Variants in ANP32A observed in about 807,000 individuals in gnomAD.
ANP32A encodes the protein acidic leucine-rich nuclear phosphoprotein 32 family member A.
Under a neutral mutation model 33.9 loss-of-function variants are expected in ANP32A, and 1 was observed. The observed-to-expected ratio is 0.03, with a 90% CI of 0.01 to 0.14. The LOEUF is 0.14. Ranked by LOEUF, ANP32A falls within the 10% of genes least tolerant of loss-of-function variation. The pLI, the probability that ANP32A is intolerant of heterozygous loss-of-function variation, is 1.00. For synonymous variants in ANP32A, 115 were observed against 120.5 expected (o/e 0.95, Z 0.30); for missense variants, 155 against 306.0 (o/e 0.51, Z 3.68).
intron 1 of ANP32A, 68 bp downstream of exon 1, chr15:68,820,630 G>A: frequency 1.7e-6 from 2 of 1,155,814 alleles, no homozygotes; most frequent in South Asian, 1.4e-5. Context: ...TCCCCCCAGC[G>A]CGCACACACA....
At chr15:68,817,327 G>C (rs1379714288) in intron 1 of ANP32A, 1 of 152,272 alleles carries the variant, frequency 6.6e-6, no homozygotes, top group Non-Finnish European at 1.5e-5. Context: ...CGAGGAGGAG[G>C]GTTCCCCTAG....
chr15:68,820,807 C>G lies in ANP32A; in HGVS notation c.-56G>C. 1 of 1,608,710 alleles carries G rather than the reference C, an allele frequency of 6.2e-7. No individual in the cohort carries two copies. Among genetic ancestry groups the G allele is most frequent in the Non-Finnish European group, 8.5e-7 (1 of 1,175,528 alleles). On this transcript the variant is annotated 5_prime_UTR_variant, in exon 1 of 7. Coordinates refer to ENST00000465139, the MANE Select transcript of ANP32A (RefSeq NM_006305.4). ...GCGCCGGCGGAATTCAATCAATAAA[C>G]CCCGAACCCACGGCCGCGCGTTTTA...
At position 68,820,808 on chromosome 15, in the gene ANP32A, CCCGAA is replaced by C; in HGVS notation, c.-62_-58del. Reference sequence around the variant, plus strand: ...CGCCGGCGGAATTCAATCAATAAACCCCGAACCCACGGCCGCGCGTTTTAGGACTT... The same window carrying C: ...CGCCGGCGGAATTCAATCAATAAACCCCCACGGCCGCGCGTTTTAGGACTT... On this transcript the variant is annotated 5_prime_UTR_variant, in exon 1 of 7. Coordinates refer to ENST00000465139, the MANE Select transcript of ANP32A (RefSeq NM_006305.4). 1 of 1,607,096 alleles carries C rather than the reference CCCGAA, an allele frequency of 6.2e-7. No homozygotes were observed. The highest frequency in any genetic ancestry group is 8.5e-7 in the Non-Finnish European group (1 of 1,174,148).
chr15:68,792,778 G>T (rs1220274540), intron 1 of ANP32A, among the ~76,000 whole-genome samples: 3 of 152,132 alleles, frequency 2.0e-5, no homozygotes, highest in Non-Finnish European at 4.4e-5. Flanking sequence ...TAGAGGGCTC[G>T]ACCCAACTGG....
At chr15:68,820,617 G>T in intron 1 of ANP32A, 81 bp downstream of exon 1, 1 of 573,306 alleles carries the variant, frequency 1.7e-6, no homozygotes, top group South Asian at 2.5e-5. Context: ...CAAAAAAAGT[G>T]CCTCCCCCCA....
chr15:68,811,528 G>C (rs1000634166), intron 1 of ANP32A, among the ~76,000 whole-genome samples: 4 of 152,106 alleles, frequency 2.6e-5, no homozygotes, highest in Admixed American at 2.0e-4. Context: ...GCCTGAAATA[G>C]CTGCTGAGGG....
In ANP32A at chr15:68,780,582, C is replaced by G. The variant is rs1893855463; in HGVS notation, c.625-109G>C. The G allele has an allele frequency of 2.0e-6, 3 of 1,512,808 alleles. No individual in the cohort carries two copies. Among genetic ancestry groups the G allele is most frequent in the South Asian group, 2.6e-5 (2 of 76,708 alleles). 93.7% of individuals were successfully genotyped at this position (1,512,808 alleles called of 1,614,324 possible). On this transcript the variant is annotated intron_variant, in intron 5 of 6. Transcript: ENST00000465139. This position sits in a 1 kb window ranked among gnomAD's most constrained non-coding sequence, Gnocchi z 4.3. ...CGGGGTCACCCCCAGCCTCTCAGAGCCCCCACCAAGACTTGACATCTCGGG... is the reference window on the plus strand; with the variant it reads ...CGGGGTCACCCCCAGCCTCTCAGAGGCCCCACCAAGACTTGACATCTCGGG...
chr15:68,794,011 G>A (rs141478532), intron 1 of ANP32A, among the ~76,000 whole-genome samples: 67 of 152,308 alleles, frequency 4.4e-4, no homozygotes, highest in African/African-American at 1.2e-3. Flanking sequence ...TCTCGAGTCC[G>A]AGAGAACTGG....
chr15:68,818,843 A>C (rs1596078475), intron 1 of ANP32A, among the ~76,000 whole-genome samples: 2 of 144,506 alleles, frequency 1.4e-5, no homozygotes, highest in East Asian at 2.2e-4. Flanking sequence ...CCATCACCAC[A>C]CCCAGCCCCC....
At chr15:68,796,196 C>T (rs967369185) in intron 1 of ANP32A, among the ~76,000 whole-genome samples, 1 of 152,210 alleles carries the variant, frequency 6.6e-6, no homozygotes, top group Non-Finnish European at 1.5e-5. Flanking sequence ...ATTCTCTTGC[C>T]TCAGCTTCTC....
At chr15:68,808,010 A>G (rs1035595620) in intron 1 of ANP32A, among the ~76,000 whole-genome samples, 4 of 152,204 alleles carry the variant, frequency 2.6e-5, no homozygotes, top group African/African-American at 9.7e-5. Context: ...TTGTGTGAAC[A>G]ATCCCATGGT....
At chr15:68,787,567 C>T (rs1197234894) in intron 2 of ANP32A, 32 bp from the exon 3 acceptor site, 1 of 1,613,816 alleles carries the variant, frequency 6.2e-7, no homozygotes, top group Admixed American at 1.7e-5. Flanking sequence ...AAAGCAGAAA[C>T]AGCTTTTAAA....
chr15:68,820,652 A>ACG (rs58276969), intron 1 of ANP32A, 46 bp downstream of exon 1: 1 of 1,447,638 alleles, frequency 6.9e-7, no homozygotes, highest in Admixed American at 1.9e-5. Flanking sequence ...ACACACACAC[A>ACG]AAGTAGGAGA....
At chr15:68,786,252 C>CTTT (rs558065991) in intron 3 of ANP32A, among the ~76,000 whole-genome samples, 187 of 90,044 alleles carry the variant, frequency 2.1e-3, no homozygotes, top group Non-Finnish European at 2.9e-3. Context: ...GCTGCTGCTG[C>CTTT]TTTTTTTTTT....
intron 1 of ANP32A, among the ~76,000 whole-genome samples, chr15:68,809,776 G>A (rs570906577): frequency 6.6e-6 from 1 of 152,270 alleles, no homozygotes; most frequent in African/African-American, 2.4e-5. Flanking sequence ...GTGACAAGAA[G>A]GTATAAGTAC....
intron 1 of ANP32A, chr15:68,801,821 A>C (rs1295784345): frequency 6.5e-6 from 1 of 154,184 alleles, no homozygotes; most frequent in African/African-American, 2.4e-5. Context: ...CAACTGAGTC[A>C]CACCAGAGGT....
chr15:68,784,119 T>C (rs549431384), intron 4 of ANP32A, among the ~76,000 whole-genome samples: 2 of 152,324 alleles, frequency 1.3e-5, no homozygotes, highest in African/African-American at 2.4e-5. Context: ...TATTATGCAG[T>C]TGGAGAATCT....
Position 68,787,541 on chromosome 15 carries a change from T to C in ANP32A, c.205-6A>G. 3 of 1,614,082 alleles carry C rather than the reference T, an allele frequency of 1.9e-6. No individual in the cohort carries two copies. The highest frequency in any genetic ancestry group is 2.5e-6 in the Non-Finnish European group (3 of 1,180,010). On this transcript the variant is annotated splice_region_variant and splice_polypyrimidine_tract_variant and intron_variant, in intron 2 of 6. Transcript: ENST00000465139. ...CTGTTATCGCTTAGTTCAAGCTAAA[T>C]AAGGCAGGGAAAGAAAAAGCAGAAA...
intron 5 of ANP32A, among the ~76,000 whole-genome samples, chr15:68,782,459 A>C (rs1893881392): frequency 6.6e-6 from 1 of 152,158 alleles, no homozygotes; most frequent in Non-Finnish European, 1.5e-5. Flanking sequence ...CTTGTTAAAA[A>C]ACTGGGAACC....
Sources: allele counts gnomAD v4.1 joint callset (sites outside exome capture counted in the v4.1 genomes callset), GRCh38; gene constraint gnomAD v4.1.1; non-coding constraint Gnocchi (gnomAD v3.1); transcripts MANE v1.5; gene names NCBI Gene and HGNC (gene_info 2026-07-23, HGNC 2026-07-21).